The following ZBTB38 variants were observed in gnomAD, a reference collection of about 807,000 sequenced individuals.
The protein encoded by ZBTB38 is zinc finger and BTB domain containing 38, also known as zinc finger and BTB domain-containing protein 38.
ZBTB38 carries 20 observed loss-of-function variants against 76.8 expected under a neutral mutation model. The observed-to-expected ratio is 0.26, with a 90% CI of 0.18 to 0.38. ZBTB38 has a LOEUF of 0.38. Ranked by LOEUF, ZBTB38 falls within the 10% of genes least tolerant of loss-of-function variation. The pLI is 1.00. For missense variants in ZBTB38, 1,082 were observed against 1,482.3 expected, an observed-to-expected ratio of 0.73 and a Z score of 4.43; for synonymous variants, 504 against 544.2, an observed-to-expected ratio of 0.93 and a Z score of 1.03.
At chr3:141,365,604 T>A (rs1315050047), upstream of ZBTB38, among the ~76,000 whole-genome samples, 1 of 152,176 alleles carries the variant, frequency 6.6e-6, no homozygotes, top group Non-Finnish European at 1.5e-5. Context: ...AATTTCAACA[T>A]GAGTTTTGGA....
chr3:141,376,278 A>G (rs1237919230), intron 2 of ZBTB38, among the ~76,000 whole-genome samples: 6 of 152,186 alleles, frequency 3.9e-5, no homozygotes, highest in Non-Finnish European at 7.3e-5. Context: ...GCCTACATCT[A>G]TGCTGATCCC....
At chr3:141,405,578 T>C (rs1165069697) in intron 5 of ZBTB38, 1 of 152,248 alleles carries the variant, frequency 6.6e-6, no homozygotes, top group Non-Finnish European at 1.5e-5. Context: ...GTTTGTTTAA[T>C]TTATAAGGTA....
chr3:141,391,390 CTCA>C, intron 4 of ZBTB38, among the ~76,000 whole-genome samples: 1 of 152,182 alleles, frequency 6.6e-6, no homozygotes, highest in Non-Finnish European at 1.5e-5. Flanking sequence ...ATGTTGCTAT[CTCA>C]GAGCCAGGTC....
At chr3:141,328,101 A>G (rs895147615) in intron 1 of ZBTB38, among the ~76,000 whole-genome samples, 5 of 152,178 alleles carry the variant, frequency 3.3e-5, no homozygotes, top group African/African-American at 9.7e-5. Flanking sequence ...TAATATATTC[A>G]TCATTCATTC....
intron 1 of ZBTB38, among the ~76,000 whole-genome samples, chr3:141,336,194 G>A (rs113197975): frequency 6.6e-6 from 1 of 152,138 alleles, no homozygotes; most frequent in Admixed American, 6.5e-5. Flanking sequence ...TCGATGGGAC[G>A]TTTGTCTTAA....
intron 1 of ZBTB38, among the ~76,000 whole-genome samples, chr3:141,342,392 C>CAAAAAAAAAA (rs58284476): frequency 2.0e-5 from 2 of 97,632 alleles, no homozygotes; most frequent in Non-Finnish European, 2.1e-5. Flanking sequence ...GACTCTGTCT[C>CAAAAAAAAAA]AAAAAAAAAA....
intron 5 of ZBTB38, among the ~76,000 whole-genome samples, chr3:141,415,090 A>G (rs2073665360): frequency 6.7e-6 from 1 of 150,014 alleles, no homozygotes; most frequent in African/African-American, 2.5e-5. Flanking sequence ...CATTCTAGCT[A>G]TTATTTCACC....
intron 1 of ZBTB38, among the ~76,000 whole-genome samples, chr3:141,331,586 T>C (rs1454973972): frequency 6.6e-6 from 1 of 152,132 alleles, no homozygotes; most frequent in Non-Finnish European, 1.5e-5. Flanking sequence ...TGAGAAGGAA[T>C]TACTGTATTT....
chr3:141,340,927 A>AAAGAAAAGAAAAGAAAAG lies in ZBTB38; in HGVS notation c.-739+16473_-739+16474insGAAAAGAAAAGAAAAGAA, dbSNP rs1553760058. ...AAGAAAAGAAAAGAAAAGGAAAGGA[A>AAAGAAAAGAAAAGAAAAG]AAAAGAAAAGAAAAGAAAGAAGGAA... On this transcript the variant is annotated intron_variant, in intron 1 of 7. Coordinates refer to the ZBTB38 transcript ENST00000509842. Among the ~76,000 whole-genome samples, 106 of 102,114 alleles carry AAAGAAAAGAAAAGAAAAG rather than the reference A, an allele frequency of 1.0e-3. 2 individuals are homozygous for AAAGAAAAGAAAAGAAAAG. Among genetic ancestry groups the AAAGAAAAGAAAAGAAAAG allele is most frequent in the African/African-American group, 5.8e-3 (89 of 15,446 alleles). 67.0% of individuals were successfully genotyped at this position (102,114 alleles called of 152,430 possible). A position where few individuals can be genotyped will look rare whatever the true frequency, so the allele number is the denominator to read the frequency against.
chr3:141,370,564 G>C (rs1944397425), intron 2 of ZBTB38, among the ~76,000 whole-genome samples: 1 of 152,194 alleles, frequency 6.6e-6, no homozygotes, highest in Non-Finnish European at 1.5e-5. Flanking sequence ...TAGAAACAGT[G>C]GGAGAAGTAA....
chr3:141,381,813 A>G (rs1037791127), intron 3 of ZBTB38, among the ~76,000 whole-genome samples: 20 of 152,202 alleles, frequency 1.3e-4, no homozygotes, highest in Non-Finnish European at 2.5e-4. Flanking sequence ...TACTTGACCT[A>G]GAAAACAAGC....
At chr3:141,352,779 C>A (rs1943556219) in intron 1 of ZBTB38, among the ~76,000 whole-genome samples, 1 of 152,086 alleles carries the variant, frequency 6.6e-6, no homozygotes, top group East Asian at 1.9e-4. Context: ...CCCCGCTGAG[C>A]TGGGCCACTA....
intron 5 of ZBTB38, among the ~76,000 whole-genome samples, chr3:141,406,919 T>C (rs1323426167): frequency 6.6e-6 from 1 of 152,186 alleles, no homozygotes; most frequent in Non-Finnish European, 1.5e-5. Context: ...ATGACGTGTA[T>C]GATGAATATT....
intron 1 of ZBTB38, among the ~76,000 whole-genome samples, chr3:141,334,496 C>T (rs907933030): frequency 2.7e-5 from 4 of 150,508 alleles, no homozygotes; most frequent in African/African-American, 9.8e-5. Flanking sequence ...TTCCTTCCTT[C>T]CTTCCTTTCC....
chr3:141,444,246 G>C lies in ZBTB38; in HGVS notation c.1858G>C (p.Asp620His). 3 of 1,614,190 alleles carry C rather than the reference G, an allele frequency of 1.9e-6. No homozygotes were observed. The highest frequency in any genetic ancestry group is 2.5e-6 in the Non-Finnish European group (3 of 1,180,042). ...SSELPTLNFQ[D>H]TVNTLTNSPA... ...TGAATTACCAACGCTGAATTTCCAA[G>C]ATACTGTAAACACCCTGACCAACAG... The change falls in exon 6 of 6, where the codon GAT (aspartate) becomes CAT (histidine). Residue 620 changes from aspartate to histidine, a missense_variant. Asp to His is a moderately conservative substitution (Grantham distance 81). Coordinates refer to ENST00000321464, the MANE Select transcript of ZBTB38 (RefSeq NM_001376113.1). This position sits in a 1 kb window ranked among gnomAD's most constrained non-coding sequence, Gnocchi z 5.1.
chr3:141,344,113 A>G (rs1043143245), intron 1 of ZBTB38, among the ~76,000 whole-genome samples: 2 of 152,152 alleles, frequency 1.3e-5, no homozygotes, highest in Non-Finnish European at 2.9e-5. Flanking sequence ...CACTTTGGCT[A>G]TGTTTTAGTT....
chr3:141,432,029 AC>A (rs2077725484), intron 5 of ZBTB38: 18 of 928,840 alleles, frequency 1.9e-5, no homozygotes, highest in Non-Finnish European at 2.2e-5. Flanking sequence ...ACACCCCGTC[AC>A]GTGAGGAGGT....
chr3:141,344,262 G>T (rs1576653410), intron 1 of ZBTB38, among the ~76,000 whole-genome samples: 1 of 152,146 alleles, frequency 6.6e-6, no homozygotes, highest in East Asian at 1.9e-4. Context: ...ACAGCTCTGT[G>T]TTTCCTTCTG....
intron 5 of ZBTB38, among the ~76,000 whole-genome samples, chr3:141,432,931 TGATA>T (rs2077931275): frequency 6.6e-6 from 1 of 152,306 alleles, no homozygotes; most frequent in South Asian, 2.1e-4. Context: ...ATGCAAGCAA[TGATA>T]GATTGATTGT....
Sources: allele counts gnomAD v4.1 joint callset (sites outside exome capture counted in the v4.1 genomes callset), GRCh38; gene constraint gnomAD v4.1.1; non-coding constraint Gnocchi (gnomAD v3.1); transcripts MANE v1.5; gene names NCBI Gene and HGNC (gene_info 2026-07-23, HGNC 2026-07-21).